Variants in KIAA0825 observed in about 807,000 individuals in gnomAD.
KIAA0825 encodes the protein uncharacterized protein KIAA0825.
KIAA0825 carries 119 observed loss-of-function variants against 147.6 expected under a neutral mutation model. The ratio of observed to expected loss-of-function variants is 0.81; its 90% CI spans 0.69 to 0.94. The LOEUF is 0.94. Ranked by LOEUF, KIAA0825 falls within the 40% of genes least tolerant of loss-of-function variation. The pLI, the probability that KIAA0825 is intolerant of heterozygous loss-of-function variation, is 0.00. For synonymous variants in KIAA0825, 470 were observed against 518.1 expected (o/e 0.91, Z 1.26); for missense variants, 1,381 against 1,472.7 (o/e 0.94, Z 1.02).
chr5:94,364,474 C>T (rs1225905955), intron 20 of KIAA0825, among the ~76,000 whole-genome samples: 1 of 151,930 alleles, frequency 6.6e-6, no homozygotes, highest in African/African-American at 2.4e-5. Context: ...CTCTGCCTCC[C>T]GGGTTCACGC....
chr5:94,455,526 A>G (rs1436432664), intron 12 of KIAA0825, among the ~76,000 whole-genome samples: 3 of 152,142 alleles, frequency 2.0e-5, no homozygotes, highest in Non-Finnish European at 2.9e-5. Flanking sequence ...ATAGTAACGG[A>G]GGAACATTTT....
chr5:94,569,553 G>A (rs1190189909), intron 2 of KIAA0825: 28 of 406,854 alleles, frequency 6.9e-5, no homozygotes, highest in Admixed American at 4.0e-4. Flanking sequence ...ACCCCAACAC[G>A]CAAAACCAAC....
At chr5:94,507,559 C>T (rs1420710842) in intron 5 of KIAA0825, among the ~76,000 whole-genome samples, 2 of 149,498 alleles carry the variant, frequency 1.3e-5, no homozygotes, top group African/African-American at 4.9e-5. Flanking sequence ...AAAATTCACA[C>T]CACTTTGACA....
intron 20 of KIAA0825, among the ~76,000 whole-genome samples, chr5:94,227,885 A>T (rs1228671901): frequency 6.6e-6 from 1 of 152,094 alleles, no homozygotes; most frequent in African/African-American, 2.4e-5. Context: ...TGATGGGTGC[A>T]GCAAACCAAC....
At chr5:94,189,882 A>C (rs1280682028) in intron 20 of KIAA0825, among the ~76,000 whole-genome samples, 1 of 152,174 alleles carries the variant, frequency 6.6e-6, no homozygotes, top group Non-Finnish European at 1.5e-5. Flanking sequence ...AAAAATATTG[A>C]ATCTTCAATT....
Position 94,152,407 on chromosome 5 carries a change from G to A in KIAA0825, c.*1600C>T, listed in dbSNP as rs1766565224. Among the ~76,000 whole-genome samples the A allele has an allele frequency of 6.6e-6, 1 of 152,162 alleles. No homozygotes were observed. The highest frequency in any genetic ancestry group is 2.1e-4 in the South Asian group (1 of 4,828). On this transcript the variant is annotated 3_prime_UTR_variant, in exon 21 of 21. Coordinates refer to ENST00000682413, the MANE Select transcript of KIAA0825 (RefSeq NM_001145678.3). ...ATAGCCCATGATGTAAGGCTTCTGG[G>A]CCTGGTGTGGTGGCTTATGCCTATA...
Position 94,473,535 on chromosome 5 carries a change from A to G in KIAA0825, c.1228-16T>C. 2 of 1,452,824 alleles carry G rather than the reference A, an allele frequency of 1.4e-6. No individual in the cohort carries two copies. Among genetic ancestry groups the G allele is most frequent in the Middle Eastern group, 1.7e-4 (1 of 5,804 alleles). The allele number at this position is 1,452,824 out of a possible 1,614,324, so 90.0% of individuals were successfully genotyped here. Reference sequence around the variant, plus strand: ...GTAAGGTAGCCTGAAATATCAATGTATATGAAGTCATGTTAATCTTAACTC... The same window carrying G: ...GTAAGGTAGCCTGAAATATCAATGTGTATGAAGTCATGTTAATCTTAACTC... On this transcript the variant is annotated splice_polypyrimidine_tract_variant and intron_variant, in intron 7 of 20. Coordinates refer to ENST00000682413, the MANE Select transcript of KIAA0825 (RefSeq NM_001145678.3).
intron 20 of KIAA0825, among the ~76,000 whole-genome samples, chr5:94,285,373 T>G (rs1777624746): frequency 6.6e-6 from 1 of 152,168 alleles, no homozygotes; most frequent in Non-Finnish European, 1.5e-5. Flanking sequence ...TTTTATATGT[T>G]CTTCGGATTT....
At chr5:94,467,327 C>A (rs199877762) in intron 10 of KIAA0825, among the ~76,000 whole-genome samples, 3 of 152,270 alleles carry the variant, frequency 2.0e-5, no homozygotes, top group East Asian at 3.9e-4. Context: ...TGCTAGTAAA[C>A]ATCTGTTATT....
intron 20 of KIAA0825, among the ~76,000 whole-genome samples, chr5:94,159,646 T>C (rs761155980): frequency 2.0e-5 from 3 of 152,156 alleles, no homozygotes; most frequent in Non-Finnish European, 4.4e-5. Flanking sequence ...CATTCCCTCT[T>C]GTTTTTCATG....
chr5:94,557,519 T>C (rs1444396115), intron 2 of KIAA0825, among the ~76,000 whole-genome samples: 1 of 152,000 alleles, frequency 6.6e-6, no homozygotes, highest in Non-Finnish European at 1.5e-5. Flanking sequence ...TAGACCATTA[T>C]GAGAGACAGG....
At chr5:94,213,242 A>G (rs1409705355) in intron 20 of KIAA0825, among the ~76,000 whole-genome samples, 2 of 152,242 alleles carry the variant, frequency 1.3e-5, no homozygotes, top group Non-Finnish European at 1.5e-5. Context: ...AAATTTGGGC[A>G]TCATGATTTT....
rs1408780547 is a variant in KIAA0825, at chr5:94,473,440, A to G, written c.1307T>C (p.Ile436Thr). Residue 436 changes from isoleucine to threonine, a missense_variant, in exon 8 of 21, where the codon ATT becomes ACT. Ile to Thr is a moderately conservative substitution (Grantham distance 89). Transcript: ENST00000682413. ...LPMAHCVVTA[I>T]EGFSTKILQQ... Reference sequence around the variant, plus strand: ...GAGAATTTTTGTGGAAAAACCTTCAATTGCAGTTACTACGCAGTGCGCCAT... The same window carrying G: ...GAGAATTTTTGTGGAAAAACCTTCAGTTGCAGTTACTACGCAGTGCGCCAT... 16 of 1,551,930 alleles carry G rather than the reference A, an allele frequency of 1.0e-5. 1 individual carries two copies. In the South Asian group the frequency reaches 1.2e-4, roughly 12 times the overall value.
intron 20 of KIAA0825, among the ~76,000 whole-genome samples, chr5:94,191,592 C>T (rs993695903): frequency 1.3e-5 from 2 of 152,096 alleles, no homozygotes; most frequent in Non-Finnish European, 2.9e-5. Flanking sequence ...CTATAACTAA[C>T]CTACATGGTA....
At chr5:94,279,289 G>T (rs920702085) in intron 20 of KIAA0825, among the ~76,000 whole-genome samples, 2 of 151,978 alleles carry the variant, frequency 1.3e-5, no homozygotes, top group Non-Finnish European at 2.9e-5. Flanking sequence ...TTTGCTTTTA[G>T]TGAGAAAAAG....
chr5:94,192,817 C>T (rs1389586807), intron 20 of KIAA0825, among the ~76,000 whole-genome samples: 1 of 152,134 alleles, frequency 6.6e-6, no homozygotes, highest in Non-Finnish European at 1.5e-5. Flanking sequence ...TCAAGAAACC[C>T]CCAGCTCTTT....
chr5:94,412,953 T>C (rs1752958569), intron 15 of KIAA0825: 2 of 148,508 alleles, frequency 1.3e-5, no homozygotes, highest in Admixed American at 6.8e-5. Flanking sequence ...GTTGAGTACA[T>C]GGATTTTTTT....
chr5:94,573,784 G>C (rs1040583815), intron 2 of KIAA0825, among the ~76,000 whole-genome samples: 3 of 152,168 alleles, frequency 2.0e-5, no homozygotes, highest in Non-Finnish European at 4.4e-5. Context: ...AAATATGGCA[G>C]GGAAACATGT....
intron 20 of KIAA0825, among the ~76,000 whole-genome samples, chr5:94,380,356 C>T (rs888588581): frequency 3.3e-5 from 5 of 152,220 alleles, no homozygotes; most frequent in Non-Finnish European, 5.9e-5. Flanking sequence ...ACCCTGTGCT[C>T]ATCTGTCAGG....
Sources: gnomAD v4.1 joint callset for allele counts (sites outside exome capture counted in the v4.1 genomes callset) on GRCh38, gnomAD v4.1.1 for gene constraint, MANE v1.5 for transcripts, NCBI Gene and HGNC (gene_info 2026-07-23, HGNC 2026-07-21) for gene names.